Variants in PTP4A1 observed in about 807,000 individuals in gnomAD.
PTP4A1 encodes the protein protein tyrosine phosphatase type IVA 1.
In PTP4A1, 9 loss-of-function variants were observed where a neutral mutation model predicts 20.5. That is an observed-to-expected ratio of 0.44 (90% CI 0.26 to 0.77). The LOEUF (loss-of-function observed/expected upper bound fraction) is 0.77. PTP4A1 is among the 30% of genes least tolerant of loss of function. The pLI is 0.19. For synonymous variants in PTP4A1, 78 were observed against 67.4 expected (o/e 1.16, Z -0.77); for missense variants, 137 against 218.8 (o/e 0.63, Z 2.36).
intron 2 of PTP4A1, among the ~76,000 whole-genome samples, chr6:63,532,446 T>C (rs1271707774): frequency 1.3e-5 from 2 of 152,150 alleles, no homozygotes; most frequent in Non-Finnish European, 2.9e-5. Context: ...GCATACATCC[T>C]ATGTATGGGT....
intron 1 of PTP4A1, among the ~76,000 whole-genome samples, chr6:63,575,347 C>T (rs148887065): frequency 1.2e-4 from 18 of 152,232 alleles, no homozygotes; most frequent in African/African-American, 4.3e-4. Context: ...CCTCTTTACT[C>T]CCGAGTACAC....
intron 1 of PTP4A1, among the ~76,000 whole-genome samples, chr6:63,527,600 T>C (rs748409522): frequency 2.0e-5 from 3 of 152,340 alleles, no homozygotes; most frequent in African/African-American, 4.8e-5. Flanking sequence ...ACATTAACTA[T>C]TTAAGTTTCG....
At chr6:63,534,452 A>C (rs1304676680) in intron 2 of PTP4A1, among the ~76,000 whole-genome samples, 1 of 144,508 alleles carries the variant, frequency 6.9e-6, no homozygotes, top group Non-Finnish European at 1.5e-5. Context: ...CACACAGAGA[A>C]ACACACACAC....
At chr6:63,573,584 C>T (rs1160889472) in intron 1 of PTP4A1, 2 of 152,256 alleles carry the variant, frequency 1.3e-5, no homozygotes, top group Non-Finnish European at 2.9e-5. Flanking sequence ...GAGCTGCACC[C>T]CTGCCCGGGC....
chr6:63,568,875 T>C (rs1044616054), upstream of PTP4A1, among the ~76,000 whole-genome samples: 1 of 152,202 alleles, frequency 6.6e-6, no homozygotes, highest in Admixed American at 6.5e-5. Flanking sequence ...ACTTACCCTC[T>C]GCACTAGTAT....
At chr6:63,572,975 C>G (rs951183813) in intron 1 of PTP4A1, among the ~76,000 whole-genome samples, 1 of 152,142 alleles carries the variant, frequency 6.6e-6, no homozygotes, top group Non-Finnish European at 1.5e-5. Flanking sequence ...TTTTGAGTCC[C>G]TCCCGAGCCC....
chr6:63,549,560 T>C (rs1776345916), intron 2 of PTP4A1: 1 of 609,538 alleles, frequency 1.6e-6, no homozygotes, highest in Non-Finnish European at 2.9e-6. Flanking sequence ...GTTGACAAGA[T>C]TTGAAGTTTT....
intron 3 of PTP4A1, 93 bp downstream of exon 3, chr6:63,578,622 A>G: frequency 1.4e-6 from 2 of 1,468,882 alleles, no homozygotes; most frequent in Non-Finnish European, 9.0e-7. Context: ...TTAAGTCATA[A>G]ATAGACCTCA....
chr6:63,549,455 C>T (rs1402259910), intron 2 of PTP4A1: 8 of 795,784 alleles, frequency 1.0e-5, no homozygotes, highest in East Asian at 1.0e-4. Context: ...TGCTTCTTCA[C>T]GACAGCAGGG....
intron 1 of PTP4A1, chr6:63,573,687 GC>G (rs1057353525): frequency 6.6e-6 from 1 of 152,266 alleles, no homozygotes; most frequent in African/African-American, 2.4e-5. Flanking sequence ...CGGATTTATC[GC>G]CCCACCTCGG....
Position 63,564,599 on chromosome 6 carries a change from C to T in PTP4A1, c.-445-11837C>T, listed in dbSNP as rs568558257. Among the ~76,000 whole-genome samples the T allele has an allele frequency of 2.0e-5, 3 of 152,304 alleles. No homozygotes were observed. The South Asian group carries it at 6.2e-4, about 32-fold the overall frequency. On this transcript the variant is annotated intron_variant, in intron 3 of 3. Coordinates refer to the PTP4A1 transcript ENST00000639568. The stretch of plus-strand genomic sequence containing the variant: ...TGCCAACTCTGTAAATTAAACCTGT[C>T]AAGTGACAGCTTTGCCATAGCATGC...
chr6:63,546,485 C>T (rs1439153684), intron 2 of PTP4A1, among the ~76,000 whole-genome samples: 2 of 152,186 alleles, frequency 1.3e-5, no homozygotes, highest in African/African-American at 4.8e-5. Context: ...GCAGGTGGAT[C>T]ACTTGAGGCA....
In PTP4A1 at chr6:63,580,235, T is replaced by A; in HGVS notation, c.*61T>A. 5 of 1,303,152 alleles carry A rather than the reference T, an allele frequency of 3.8e-6. No homozygotes were observed. The highest frequency in any genetic ancestry group is 1.5e-5 in the African/African-American group (1 of 68,156). 80.7% of individuals were successfully genotyped at this position (1,303,152 alleles called of 1,614,324 possible). ...GAGATAGGGCCTAATTTGTTATACA[T>A]ATTAGCCAACATGTTGGCTTAGTAA... On this transcript the variant is annotated 3_prime_UTR_variant, in exon 6 of 6. Coordinates refer to ENST00000626021, the MANE Select transcript of PTP4A1 (RefSeq NM_003463.5).
At chr6:63,522,307 G>A (rs1416142142) in intron 1 of PTP4A1, among the ~76,000 whole-genome samples, 6 of 152,138 alleles carry the variant, frequency 3.9e-5, no homozygotes, top group Non-Finnish European at 7.4e-5. Flanking sequence ...ATAAAGATAA[G>A]ATGTCCAGAA....
intron 2 of PTP4A1, among the ~76,000 whole-genome samples, chr6:63,531,073 T>G (rs1775436417): frequency 6.6e-6 from 1 of 152,206 alleles, no homozygotes; most frequent in Admixed American, 6.5e-5. Context: ...AACTTCTATA[T>G]TGTGTGTCCA....
chr6:63,535,668 T>A (rs1234651391), intron 2 of PTP4A1, among the ~76,000 whole-genome samples: 6 of 152,184 alleles, frequency 3.9e-5, no homozygotes, highest in Non-Finnish European at 7.4e-5. Context: ...TAGAGCAACA[T>A]CATAAACACA....
intron 3 of PTP4A1, among the ~76,000 whole-genome samples, chr6:63,554,418 T>A (rs893647051): frequency 4.6e-5 from 7 of 152,190 alleles, no homozygotes; most frequent in Non-Finnish European, 1.0e-4. Flanking sequence ...TTCAAGGGCT[T>A]TACCTCCACT....
rs983748431 is a variant in PTP4A1, at chr6:63,582,442, G to A, written c.*2268G>A. 64 of 152,658 alleles carry A rather than the reference G, an allele frequency of 4.2e-4. No homozygotes were observed. Among genetic ancestry groups the A allele is most frequent in the African/African-American group, 1.3e-3 (56 of 41,532 alleles). The allele number at this position is 152,658 out of a possible 1,614,324, so 9.5% of individuals were successfully genotyped here. A position where few individuals can be genotyped will look rare whatever the true frequency, so the allele number is the denominator to read the frequency against. Reference sequence around the variant, plus strand: ...TATAAACCTTATCTGTACATTATACGATGTGATGAAATTTGCTTTTTATCC... The same window carrying A: ...TATAAACCTTATCTGTACATTATACAATGTGATGAAATTTGCTTTTTATCC... On this transcript the variant is annotated 3_prime_UTR_variant, in exon 6 of 6. Coordinates refer to ENST00000626021, the MANE Select transcript of PTP4A1 (RefSeq NM_003463.5).
At chr6:63,575,667 CATTATTAAA>C (rs1308894571) in intron 1 of PTP4A1, among the ~76,000 whole-genome samples, 1 of 152,070 alleles carries the variant, frequency 6.6e-6, no homozygotes, top group Admixed American at 6.6e-5. Flanking sequence ...TACAAAAGAA[CATTATTAAA>C]ATTATGAATA....
Sources: gnomAD v4.1 joint callset for allele counts (sites outside exome capture counted in the v4.1 genomes callset) on GRCh38, gnomAD v4.1.1 for gene constraint, MANE v1.5 for transcripts, NCBI Gene and HGNC (gene_info 2026-07-23, HGNC 2026-07-21) for gene names.